The following DDHD1 variants were observed in gnomAD, a reference collection of about 807,000 sequenced individuals.
DDHD1 encodes DDHD domain containing 1, also known as phospholipase DDHD1.
Under a neutral mutation model 96.4 loss-of-function variants are expected in DDHD1, and 49 were observed. The ratio of observed to expected loss-of-function variants is 0.51; its 90% CI spans 0.40 to 0.64. The LOEUF (loss-of-function observed/expected upper bound fraction) is 0.64. Among genes scored for constraint, DDHD1 ranks in the 30% least tolerant of loss-of-function variants. The pLI, the probability that DDHD1 is intolerant of heterozygous loss-of-function variation, is 0.00. For missense variants in DDHD1, 1,106 were observed against 1,161.2 expected (o/e 0.95, Z 0.69); for synonymous variants, 442 against 446.5 (o/e 0.99, Z 0.13).
chr14:53,117,924 C>A (rs1050454742), intron 1 of DDHD1, among the ~76,000 whole-genome samples: 2 of 152,178 alleles, frequency 1.3e-5, no homozygotes, highest in Non-Finnish European at 2.9e-5. Flanking sequence ...ACACCTCAAA[C>A]AGGCGGGTGC....
intron 1 of DDHD1, among the ~76,000 whole-genome samples, chr14:53,136,966 C>T (rs932206362): frequency 2.0e-5 from 3 of 152,024 alleles, no homozygotes; most frequent in African/African-American, 7.3e-5. Flanking sequence ...TAAAAACATC[C>T]GGAAACAACA....
At chr14:53,083,719 G>A (rs1885691730) in intron 4 of DDHD1, among the ~76,000 whole-genome samples, 1 of 152,180 alleles carries the variant, frequency 6.6e-6, no homozygotes, top group Non-Finnish European at 1.5e-5. Context: ...CCCGAACACT[G>A]AACTTAGGAA....
chr14:53,120,264 G>C (rs1482804491), intron 1 of DDHD1, among the ~76,000 whole-genome samples: 3 of 152,106 alleles, frequency 2.0e-5, no homozygotes, highest in Non-Finnish European at 4.4e-5. Flanking sequence ...ACGTCTTCAA[G>C]ACGAACTACA....
intron 1 of DDHD1, among the ~76,000 whole-genome samples, chr14:53,143,797 T>C (rs2139894459): frequency 6.6e-6 from 1 of 152,382 alleles, no homozygotes; most frequent in South Asian, 2.1e-4. Flanking sequence ...ATTGATTTCT[T>C]TATTATGGCT....
chr14:53,049,431 G>A (rs1882336405), intron 12 of DDHD1, among the ~76,000 whole-genome samples: 1 of 152,160 alleles, frequency 6.6e-6, no homozygotes, highest in East Asian at 1.9e-4. Flanking sequence ...GTGGGCCTAT[G>A]TTCCATCTTT....
At chr14:53,140,912 G>C (rs1194860777) in intron 1 of DDHD1, among the ~76,000 whole-genome samples, 1 of 152,176 alleles carries the variant, frequency 6.6e-6, no homozygotes, top group East Asian at 1.9e-4. Flanking sequence ...GGAATCTAGA[G>C]TGGCTATATT....
rs112274497 is a variant in DDHD1, at chr14:53,122,789, G to A, written c.839-18933C>T. ...TCACTATGCTTGTCAGGCTGGTCTCGAACTCCTGACCTTGTGATCTGCCCA... is the reference window on the plus strand; with the variant it reads ...TCACTATGCTTGTCAGGCTGGTCTCAAACTCCTGACCTTGTGATCTGCCCA... On this transcript the variant is annotated intron_variant, in intron 1 of 12. Coordinates refer to ENST00000673822, the MANE Select transcript of DDHD1 (RefSeq NM_001160148.2). Among the ~76,000 whole-genome samples, 986 of 151,440 alleles carry A rather than the reference G, an allele frequency of 6.5e-3. 8 individuals are homozygous for A. Among genetic ancestry groups the A allele is most frequent in the Non-Finnish European group, 0.012 (812 of 67,848 alleles).
chr14:53,056,940 A>G (rs1034999895), intron 9 of DDHD1, among the ~76,000 whole-genome samples: 1 of 152,344 alleles, frequency 6.6e-6, no homozygotes, highest in East Asian at 1.9e-4. Flanking sequence ...TAAAATGAGT[A>G]TATGTTAATG....
chr14:53,045,400 T>G lies in DDHD1; in HGVS notation c.*1368A>C, dbSNP rs1881939036. On this transcript the variant is annotated 3_prime_UTR_variant, in exon 13 of 13. Coordinates refer to ENST00000673822, the MANE Select transcript of DDHD1 (RefSeq NM_001160148.2). ...CTACAAGTGGCTAATTTTTGTCAGTTTTTGCAGAGAAGAGGGTCTCACTAT... is the reference window on the plus strand; with the variant it reads ...CTACAAGTGGCTAATTTTTGTCAGTGTTTGCAGAGAAGAGGGTCTCACTAT... 6.6e-6 allele frequency: 1 copy of G among 152,054 alleles called. No homozygotes were observed. Among genetic ancestry groups the G allele is most frequent in the African/African-American group, 2.4e-5 (1 of 41,370 alleles). The allele number at this position is 152,054 out of a possible 1,614,324, so 9.4% of individuals were successfully genotyped here. A position where few individuals can be genotyped will look rare whatever the true frequency, so the allele number is the denominator to read the frequency against.
chr14:53,110,477 T>G (rs992673696), intron 1 of DDHD1, among the ~76,000 whole-genome samples: 1 of 152,244 alleles, frequency 6.6e-6, no homozygotes, highest in South Asian at 2.1e-4. Flanking sequence ...CTGGGATGCT[T>G]GTGCCTATTT....
At chr14:53,150,870 C>A (rs185563861) in intron 1 of DDHD1, among the ~76,000 whole-genome samples, 1 of 152,272 alleles carries the variant, frequency 6.6e-6, no homozygotes, top group Admixed American at 6.5e-5. Flanking sequence ...CATACCCTGC[C>A]TTTAGTGAGT....
In DDHD1 at chr14:53,043,392, AGTGTGTGTGTGTGT is replaced by A. The variant is rs59747041; in HGVS notation, c.*3362_*3375del. 8.9e-6 allele frequency: 1 copy of A among 112,440 alleles called. No individual in the cohort carries two copies. The highest frequency in any genetic ancestry group is 3.5e-4 in the South Asian group (1 of 2,846). 7.0% of individuals were successfully genotyped at this position (112,440 alleles called of 1,614,324 possible). ...CAAAAGAGCAGTTATTAGAACATCC[AGTGTGTGTGTGTGT>A]GTGTGTGTGTGTGTGTAAATACATA... On this transcript the variant is annotated 3_prime_UTR_variant, in exon 13 of 13. Transcript: ENST00000673822.
rs1179190711 is a variant in DDHD1, at chr14:53,044,004, T to G, written c.*2764A>C. 6.6e-6 allele frequency: 1 copy of G among 152,160 alleles called. No individual in the cohort carries two copies. Among genetic ancestry groups the G allele is most frequent in the Non-Finnish European group, 1.5e-5 (1 of 68,034 alleles). 9.4% of individuals were successfully genotyped at this position (152,160 alleles called of 1,614,324 possible). ...TTTTAATGGTATCAAAAACAAAACT[T>G]TTTTTGGCCGATTTAGTACTTGCTG... On this transcript the variant is annotated 3_prime_UTR_variant, in exon 13 of 13. Transcript: ENST00000673822.
In DDHD1 at chr14:53,043,767, A is replaced by G. The variant is rs376303958; in HGVS notation, c.*3001T>C. 15 of 152,214 alleles carry G rather than the reference A, an allele frequency of 9.9e-5. No homozygotes were observed. Among genetic ancestry groups the G allele is most frequent in the South Asian group, 2.1e-4 (1 of 4,834 alleles). The allele number at this position is 152,214 out of a possible 1,614,324, so 9.4% of individuals were successfully genotyped here. On this transcript the variant is annotated 3_prime_UTR_variant, in exon 13 of 13. Coordinates refer to ENST00000673822, the MANE Select transcript of DDHD1 (RefSeq NM_001160148.2). ...TTTTAAATTATGTCCTAAAACACAG[A>G]AACACTGGATTATAAACAAGATTAC...
In DDHD1 at chr14:53,087,155, T is replaced by C. The variant is rs558030807; in HGVS notation, c.1289+4630A>G. 5.3e-5 allele frequency among the ~76,000 whole-genome samples: 8 copies of C among 152,148 alleles called. No homozygotes were observed. In the East Asian group the frequency reaches 1.4e-3, roughly 26 times the overall value. On this transcript the variant is annotated intron_variant, in intron 4 of 12. Coordinates refer to ENST00000673822, the MANE Select transcript of DDHD1 (RefSeq NM_001160148.2). ...CCTAATACAGGAGCACCCAGATTCATAAAGGAAGTCCTTAGAGACCCTACA... is the reference window on the plus strand; with the variant it reads ...CCTAATACAGGAGCACCCAGATTCACAAAGGAAGTCCTTAGAGACCCTACA...
intron 1 of DDHD1, among the ~76,000 whole-genome samples, chr14:53,107,616 C>G (rs1887788398): frequency 1.3e-5 from 2 of 152,122 alleles, no homozygotes; most frequent in Non-Finnish European, 2.9e-5. Flanking sequence ...CATGGTGAAA[C>G]CTCATCTTTA....
At chr14:53,081,682 AT>A (rs568305322) in intron 4 of DDHD1, among the ~76,000 whole-genome samples, 1 of 152,228 alleles carries the variant, frequency 6.6e-6, no homozygotes, top group African/African-American at 2.4e-5. Flanking sequence ...GGAAACCCTA[AT>A]TTTGAGTTCT....
intron 9 of DDHD1, among the ~76,000 whole-genome samples, chr14:53,056,572 T>C (rs1264899643): frequency 2.0e-5 from 3 of 152,062 alleles, no homozygotes; most frequent in African/African-American, 4.8e-5. Context: ...GTTGGGATAA[T>C]AGAGAGCCAC....
At chr14:53,086,299 G>C (rs1265443858) in intron 4 of DDHD1, among the ~76,000 whole-genome samples, 1 of 152,092 alleles carries the variant, frequency 6.6e-6, no homozygotes, top group Non-Finnish European at 1.5e-5. Context: ...GAAATACAGA[G>C]AACACCACAA....
Sources: allele counts gnomAD v4.1 joint callset (sites outside exome capture counted in the v4.1 genomes callset), GRCh38; gene constraint gnomAD v4.1.1; transcripts MANE v1.5; gene names NCBI Gene and HGNC (gene_info 2026-07-23, HGNC 2026-07-21).